Variants in XRCC4 observed in about 807,000 individuals in gnomAD.
XRCC4 encodes the protein X-ray repair cross complementing 4, also known as DNA repair protein XRCC4.
In XRCC4, 28 loss-of-function variants were observed where a neutral mutation model predicts 39.1. The observed-to-expected ratio is 0.72, with a 90% CI of 0.53 to 0.98. The LOEUF is 0.98. Ranked by LOEUF, XRCC4 falls within the 50% of genes least tolerant of loss-of-function variation. XRCC4 has a pLI of 0.00. For synonymous variants in XRCC4, 123 were observed against 126.4 expected, an observed-to-expected ratio of 0.97 and a Z score of 0.18; for missense variants, 350 against 376.4, an observed-to-expected ratio of 0.93 and a Z score of 0.58.
intron 7 of XRCC4, among the ~76,000 whole-genome samples, chr5:83,315,817 T>C (rs1755860212): frequency 6.6e-6 from 1 of 152,154 alleles, no homozygotes; most frequent in Admixed American, 6.6e-5. Context: ...CTGATGGATA[T>C]ATACAAAGAA....
chr5:83,262,070 G>T lies in XRCC4; in HGVS notation c.893+3393G>T, dbSNP rs1281197241. 5.3e-5 allele frequency among the ~76,000 whole-genome samples: 8 copies of T among 152,186 alleles called. No individual in the cohort carries two copies. The East Asian group carries it at 9.6e-4, about 18-fold the overall frequency. ...GTTATAGTGACAAGGTATAGAAGGA[G>T]AGAGAGATATAAAAATAAATCAGAA... On this transcript the variant is annotated intron_variant, in intron 7 of 7. Transcript: ENST00000396027.
intron 1 of XRCC4, among the ~76,000 whole-genome samples, chr5:83,092,557 C>T (rs1745476905): frequency 6.6e-6 from 1 of 151,840 alleles, no homozygotes; most frequent in African/African-American, 2.4e-5. Flanking sequence ...GGTTAAAGGA[C>T]AAAATTATTA....
chr5:83,283,131 C>T (rs1754608779), intron 7 of XRCC4, among the ~76,000 whole-genome samples: 1 of 151,428 alleles, frequency 6.6e-6, no homozygotes, highest in South Asian at 2.1e-4. Context: ...GAAAATTCTT[C>T]AGCTTACCAT....
At chr5:83,088,144 C>G (rs1455790067) in intron 1 of XRCC4, among the ~76,000 whole-genome samples, 1 of 152,090 alleles carries the variant, frequency 6.6e-6, no homozygotes, top group Non-Finnish European at 1.5e-5. Flanking sequence ...TTAGAAAATG[C>G]AGCATCTTTT....
intron 7 of XRCC4, among the ~76,000 whole-genome samples, chr5:83,322,540 C>G (rs563568025): frequency 2.6e-5 from 4 of 152,214 alleles, no homozygotes; most frequent in African/African-American, 9.6e-5. Flanking sequence ...GTGGAACATG[C>G]GAATGTTATC....
intron 7 of XRCC4, among the ~76,000 whole-genome samples, chr5:83,333,115 T>G (rs1756488518): frequency 2.0e-5 from 3 of 151,604 alleles, no homozygotes; most frequent in Non-Finnish European, 1.5e-5. Flanking sequence ...ATATTGAACT[T>G]GAAAAAAAAA....
At chr5:83,320,630 AT>A (rs1030890155) in intron 7 of XRCC4, among the ~76,000 whole-genome samples, 2 of 151,736 alleles carry the variant, frequency 1.3e-5, no homozygotes, top group African/African-American at 4.8e-5. Context: ...TCATTGTCTT[AT>A]TTTAAGAAAT....
At position 83,140,672 on chromosome 5, in the gene XRCC4, A is replaced by G. The variant is rs28383164; in HGVS notation, c.315+29469A>G. On this transcript the variant is annotated intron_variant, in intron 3 of 7. Transcript: ENST00000396027. ...CCTGTGAAAAACAAATTTTTAAAAT[A>G]TAGTACAGTATTTGATATAGTCCTT... Among the ~76,000 whole-genome samples, 308 of 152,394 alleles carry G rather than the reference A, an allele frequency of 2.0e-3. 6 individuals are homozygous for G. In the East Asian group the frequency reaches 0.046, roughly 23 times the overall value.
At chr5:83,254,257 T>A (rs1753441802) in intron 6 of XRCC4, among the ~76,000 whole-genome samples, 1 of 152,136 alleles carries the variant, frequency 6.6e-6, no homozygotes, top group South Asian at 2.1e-4. Flanking sequence ...TCTGCCTGCA[T>A]TTGAAAACTT....
chr5:83,364,954 A>G, the XRCC4 span, among the ~76,000 whole-genome samples: 2 of 152,196 alleles, frequency 1.3e-5, no homozygotes, highest in Non-Finnish European at 2.9e-5. Flanking sequence ...GAAAGAGGTG[A>G]AGAGAAGTGA....
chr5:83,084,395 A>G (rs910696513), intron 1 of XRCC4, among the ~76,000 whole-genome samples: 2 of 152,240 alleles, frequency 1.3e-5, no homozygotes, highest in East Asian at 1.9e-4. Context: ...TCAGGGTTCA[A>G]TTGCAGACAG....
chr5:83,127,779 TG>T (rs1212117776), intron 3 of XRCC4, among the ~76,000 whole-genome samples: 1 of 152,098 alleles, frequency 6.6e-6, no homozygotes, highest in Non-Finnish European at 1.5e-5. Flanking sequence ...CATGTGAGTC[TG>T]CTTAGGATGA....
chr5:83,291,254 T>C (rs1033953572), intron 7 of XRCC4, among the ~76,000 whole-genome samples: 6 of 151,820 alleles, frequency 4.0e-5, no homozygotes, highest in Non-Finnish European at 8.8e-5. Context: ...TTTGAGCTCC[T>C]TTACCACCTC....
intron 7 of XRCC4, among the ~76,000 whole-genome samples, chr5:83,326,355 A>G (rs150287625): frequency 1.8e-4 from 27 of 152,172 alleles, no homozygotes; most frequent in African/African-American, 6.5e-4. Flanking sequence ...TGTATTGCCT[A>G]CATTTTCTTC....
chr5:83,374,365 C>G, the XRCC4 span, among the ~76,000 whole-genome samples: 1 of 152,172 alleles, frequency 6.6e-6, no homozygotes, highest in Non-Finnish European at 1.5e-5. Flanking sequence ...TATATTCACT[C>G]TTGTTTACCG....
intron 3 of XRCC4, among the ~76,000 whole-genome samples, chr5:83,131,237 A>T (rs1043719528): frequency 6.6e-6 from 1 of 152,190 alleles, no homozygotes; most frequent in Non-Finnish European, 1.5e-5. Flanking sequence ...ACCCGTAGTC[A>T]TTCAGGGGCA....
intron 6 of XRCC4, 133 bp downstream of exon 6, chr5:83,205,054 A>C: frequency 1.7e-6 from 1 of 604,934 alleles, no homozygotes; most frequent in Non-Finnish European, 2.7e-6. Flanking sequence ...TTTTTATTTT[A>C]AAAACTCAAA....
intron 7 of XRCC4, among the ~76,000 whole-genome samples, chr5:83,346,116 G>A (rs1425279133): frequency 1.3e-5 from 2 of 152,080 alleles, no homozygotes; most frequent in Non-Finnish European, 2.9e-5. Context: ...AAAAGACTTA[G>A]GCTTTAGCCT....
At chr5:83,219,459 A>T (rs1751997670) in intron 6 of XRCC4, among the ~76,000 whole-genome samples, 2 of 152,296 alleles carry the variant, frequency 1.3e-5, no homozygotes, top group African/African-American at 4.8e-5. Flanking sequence ...AGAGACTGAT[A>T]TTTAAACTAG....
Sources: allele counts gnomAD v4.1 joint callset (sites outside exome capture counted in the v4.1 genomes callset), GRCh38; gene constraint gnomAD v4.1.1; transcripts MANE v1.5; gene names NCBI Gene and HGNC (gene_info 2026-07-23, HGNC 2026-07-21).